The following KCND2 variants were observed in gnomAD, a reference collection of about 807,000 sequenced individuals.
The protein encoded by KCND2 is potassium voltage-gated channel subfamily D member 2, also known as A-type voltage-gated potassium channel KCND2.
In KCND2, 16 loss-of-function variants were observed where a neutral mutation model predicts 54.4. That is an observed-to-expected ratio of 0.29 (90% CI 0.20 to 0.45). The LOEUF (loss-of-function observed/expected upper bound fraction) is 0.45, where lower values mean the gene tolerates loss of function less well. KCND2 is among the 20% of genes least tolerant of loss of function. The pLI, the probability that KCND2 is intolerant of heterozygous loss-of-function variation, is 1.00. For synonymous variants in KCND2, 317 were observed against 310.7 expected, an observed-to-expected ratio of 1.02 and a Z score of -0.21; for missense variants, 486 against 824.2, an observed-to-expected ratio of 0.59 and a Z score of 5.02.
intron 1 of KCND2, among the ~76,000 whole-genome samples, chr7:120,691,421 A>T (rs1792267558): frequency 6.6e-6 from 1 of 152,152 alleles, no homozygotes; most frequent in Non-Finnish European, 1.5e-5. Context: ...CAGTAAATAT[A>T]TTTCAGATAT....
intron 1 of KCND2, among the ~76,000 whole-genome samples, chr7:120,399,848 C>A (rs1297616175): frequency 2.0e-5 from 3 of 151,886 alleles, no homozygotes; most frequent in Non-Finnish European, 4.4e-5. Context: ...GCCTCAGCCT[C>A]CTGAGTAGCT....
At chr7:120,479,796 CAA>C (rs771337674) in intron 1 of KCND2, among the ~76,000 whole-genome samples, 6,174 of 75,368 alleles carry the variant, frequency 0.082, 282 homozygotes, top group African/African-American at 0.17. Context: ...TACACACACA[CAA>C]AAAAAAAAAA....
chr7:120,373,929 A>G (rs182668044), intron 1 of KCND2, among the ~76,000 whole-genome samples: 17 of 151,932 alleles, frequency 1.1e-4, no homozygotes, highest in Admixed American at 7.9e-4. Context: ...AATTAAATAT[A>G]GATAGTAATT....
intron 1 of KCND2, among the ~76,000 whole-genome samples, chr7:120,493,155 G>A (rs1802807310): frequency 6.6e-6 from 1 of 150,966 alleles, no homozygotes; most frequent in African/African-American, 2.4e-5. Context: ...AGTAATATAT[G>A]TATAAATAAT....
intron 1 of KCND2, among the ~76,000 whole-genome samples, chr7:120,548,030 A>C (rs1307409562): frequency 6.6e-6 from 1 of 152,080 alleles, no homozygotes; most frequent in Non-Finnish European, 1.5e-5. Flanking sequence ...TCTATGATGA[A>C]GCAGTTGTTC....
chr7:120,282,618 A>C (rs2116258598), intron 1 of KCND2, among the ~76,000 whole-genome samples: 1 of 152,286 alleles, frequency 6.6e-6, no homozygotes, highest in African/African-American at 2.4e-5. Flanking sequence ...ACATTGAAAG[A>C]GTAGGATGAC....
intron 1 of KCND2, among the ~76,000 whole-genome samples, chr7:120,631,734 A>C (rs1354917925): frequency 2.0e-5 from 3 of 152,172 alleles, no homozygotes; most frequent in African/African-American, 7.2e-5. Context: ...TTATATGTAC[A>C]TAATTTATTT....
chr7:120,706,005 T>G (rs1792462433), intron 1 of KCND2, among the ~76,000 whole-genome samples: 1 of 152,094 alleles, frequency 6.6e-6, no homozygotes, highest in Non-Finnish European at 1.5e-5. Context: ...CTCCCAGTTG[T>G]GGGATACCAG....
chr7:120,595,281 A>G (rs1792724159), intron 1 of KCND2, among the ~76,000 whole-genome samples: 2 of 151,092 alleles, frequency 1.3e-5, no homozygotes, highest in African/African-American at 4.9e-5. Context: ...GTGAAACCCC[A>G]TCTCTACCAA....
At chr7:120,706,491 T>C (rs1365296221) in intron 1 of KCND2, among the ~76,000 whole-genome samples, 3 of 152,190 alleles carry the variant, frequency 2.0e-5, no homozygotes, top group African/African-American at 7.2e-5. Context: ...AAGGGCAAGC[T>C]AGCCAAATGC....
intron 1 of KCND2, among the ~76,000 whole-genome samples, chr7:120,475,423 C>T (rs1381265353): frequency 1.3e-5 from 2 of 152,136 alleles, no homozygotes; most frequent in African/African-American, 4.8e-5. Flanking sequence ...TTGTAGTAGG[C>T]TAAATGCCCT....
intron 1 of KCND2, among the ~76,000 whole-genome samples, chr7:120,379,649 C>T (rs1800887396): frequency 6.6e-6 from 1 of 151,890 alleles, no homozygotes; most frequent in Non-Finnish European, 1.5e-5. Context: ...TATAATGCAA[C>T]TAGAGTTTAC....
chr7:120,690,031 A>AT (rs757167885), intron 1 of KCND2, among the ~76,000 whole-genome samples: 8 of 152,084 alleles, frequency 5.3e-5, no homozygotes, highest in Non-Finnish European at 1.0e-4. Flanking sequence ...CTGATTTCTG[A>AT]TTTTTTCTCC....
chr7:120,686,259 T>G (rs990542281), intron 1 of KCND2, among the ~76,000 whole-genome samples: 1 of 152,168 alleles, frequency 6.6e-6, no homozygotes, highest in Admixed American at 6.6e-5. Context: ...TTTAATACTC[T>G]TAGATACATA....
intron 1 of KCND2, among the ~76,000 whole-genome samples, chr7:120,343,911 C>T (rs1009826286): frequency 7.2e-6 from 1 of 139,098 alleles, no homozygotes; most frequent in African/African-American, 2.5e-5. Context: ...AGGTTTAGCA[C>T]CACAACTATC....
chr7:120,299,326 T>C (rs1799554606), intron 1 of KCND2, among the ~76,000 whole-genome samples: 1 of 152,072 alleles, frequency 6.6e-6, no homozygotes, highest in Admixed American at 6.6e-5. Context: ...GAGTTAACAG[T>C]TTAATAGGAA....
intron 1 of KCND2, among the ~76,000 whole-genome samples, chr7:120,483,392 C>T (rs1802634666): frequency 6.6e-6 from 1 of 152,090 alleles, no homozygotes; most frequent in Non-Finnish European, 1.5e-5. Context: ...ATCTGGGTCC[C>T]TCATCAATTT....
chr7:120,460,805 A>C (rs1436271050), intron 1 of KCND2, among the ~76,000 whole-genome samples: 1 of 152,138 alleles, frequency 6.6e-6, no homozygotes, highest in African/African-American at 2.4e-5. Context: ...CTATCTAAAC[A>C]AAAAGAAACG....
At chr7:120,502,258 A>G (rs1802947639) in intron 1 of KCND2, among the ~76,000 whole-genome samples, 1 of 151,968 alleles carries the variant, frequency 6.6e-6, no homozygotes, top group Admixed American at 6.6e-5. Flanking sequence ...CTTAGAGACA[A>G]TAGGGTATTG....
Sources: gnomAD v4.1 joint callset for allele counts (sites outside exome capture counted in the v4.1 genomes callset) on GRCh38, gnomAD v4.1.1 for gene constraint, MANE v1.5 for transcripts, NCBI Gene and HGNC (gene_info 2026-07-23, HGNC 2026-07-21) for gene names.